The following NUDT7 variants were observed in gnomAD, a reference collection of about 807,000 sequenced individuals.
NUDT7 encodes peroxisomal coenzyme A diphosphatase NUDT7.
Under a neutral mutation model 13.1 loss-of-function variants are expected in NUDT7, and 19 were observed. The ratio of observed to expected loss-of-function variants is 1.45; its 90% confidence interval spans 1.01 to 2.13. The LOEUF (loss-of-function observed/expected upper bound fraction) is 2.13, where lower values mean the gene tolerates loss of function less well. Among genes scored for constraint, NUDT7 ranks in the 30% most tolerant of loss-of-function variants. The pLI is 0.00. For missense variants in NUDT7, 360 were observed against 291.7 expected, an observed-to-expected ratio of 1.23 and a Z score of -1.71; for synonymous variants, 132 against 109.7, an observed-to-expected ratio of 1.20 and a Z score of -1.27.
Position 77,741,321 on chromosome 16 carries a change from C to T in NUDT7, c.349-261C>T, listed in dbSNP as rs770384190. ...AAGCGAACACATTTTTATGATACTG[C>T]CAAATTGCCATTCCAAAAGATTGTA... On this transcript the variant is annotated intron_variant, in intron 3 of 3. Coordinates refer to ENST00000268533, the MANE Select transcript of NUDT7 (RefSeq NM_001105663.3). 19 of 353,464 alleles carry T rather than the reference C, an allele frequency of 5.4e-5. No homozygotes were observed. In the South Asian group the frequency reaches 1.1e-3, roughly 20 times the overall value. The allele number at this position is 353,464 out of a possible 1,614,324, so 21.9% of individuals were successfully genotyped here. A position where few individuals can be genotyped will look rare whatever the true frequency, so the allele number is the denominator to read the frequency against.
chr16:77,735,808 G>T lies in NUDT7; in HGVS notation c.190-20G>T. On this transcript the variant is annotated intron_variant, in intron 2 of 3. Coordinates refer to ENST00000268533, the MANE Select transcript of NUDT7 (RefSeq NM_001105663.3). ...CAAAATTAGAATCCCACATTGTAGCGCTGTTCTTTCTATATCCAGCTAAGA... is the reference window on the plus strand; with the variant it reads ...CAAAATTAGAATCCCACATTGTAGCTCTGTTCTTTCTATATCCAGCTAAGA... The T allele has an allele frequency of 6.2e-7, 1 of 1,607,430 alleles. No individual in the cohort carries two copies. Among genetic ancestry groups the T allele is most frequent in the East Asian group, 2.2e-5 (1 of 44,700 alleles).
At chr16:77,733,614 G>C (rs1567430095) in intron 2 of NUDT7, among the ~76,000 whole-genome samples, 1 of 152,210 alleles carries the variant, frequency 6.6e-6, no homozygotes, top group African/African-American at 2.4e-5. Context: ...ATGATCTCTT[G>C]ATTGAGCTTC....
intron 3 of NUDT7, among the ~76,000 whole-genome samples, chr16:77,737,003 A>AACCATAGGAAACTAG (rs1013007363): frequency 1.2e-4 from 19 of 152,222 alleles, no homozygotes; most frequent in Middle Eastern, 6.8e-3. Context: ...ACCACATGGA[A>AACCATAGGAAACTAG]ACCATAGGAA....
intron 2 of NUDT7, among the ~76,000 whole-genome samples, chr16:77,733,266 C>T (rs1447741523): frequency 6.6e-6 from 1 of 152,186 alleles, no homozygotes; most frequent in Non-Finnish European, 1.5e-5. Flanking sequence ...CTAATTCTCA[C>T]AGTTCTGGAG....
intron 1 of NUDT7, among the ~76,000 whole-genome samples, chr16:77,723,276 T>A (rs898309376): frequency 2.6e-5 from 4 of 152,222 alleles, no homozygotes; most frequent in Non-Finnish European, 5.9e-5. Flanking sequence ...CTGGCCTGCG[T>A]GCATCCAGAT....
At chr16:77,726,762 G>A (rs145392433) in intron 2 of NUDT7, among the ~76,000 whole-genome samples, 61 of 152,046 alleles carry the variant, frequency 4.0e-4, no homozygotes, top group African/African-American at 1.3e-3. Context: ...GTGCCACTGC[G>A]CTCCAGCCTG....
At chr16:77,734,671 A>T (rs1224062138) in intron 2 of NUDT7, among the ~76,000 whole-genome samples, 1 of 152,210 alleles carries the variant, frequency 6.6e-6, no homozygotes, top group Admixed American at 6.5e-5. Flanking sequence ...GCATGAGTGG[A>T]TAAACAAACT....
chr16:77,732,322 G>A (rs1474667220), intron 2 of NUDT7, among the ~76,000 whole-genome samples: 1 of 136,474 alleles, frequency 7.3e-6, no homozygotes, highest in African/African-American at 2.8e-5. Context: ...ACGAGAACAC[G>A]TCTCAAAAAA....
chr16:77,724,888 A>G (rs1202109113), intron 1 of NUDT7, among the ~76,000 whole-genome samples: 2 of 152,226 alleles, frequency 1.3e-5, no homozygotes, highest in East Asian at 3.9e-4. Flanking sequence ...GGAGTTTGAT[A>G]CAAATGCTAA....
chr16:77,741,095 T>G (rs1334125806), intron 3 of NUDT7, among the ~76,000 whole-genome samples: 1 of 152,172 alleles, frequency 6.6e-6, no homozygotes, highest in Non-Finnish European at 1.5e-5. Flanking sequence ...AAGATGTCTA[T>G]CCCATTGTTT....
Position 77,742,020 on chromosome 16 carries a change from A to G in NUDT7, c.*70A>G, listed in dbSNP as rs1133108. 0.51 allele frequency: 767,387 copies of G among 1,495,492 alleles called. 203,841 individuals are homozygous for G. Among genetic ancestry groups the G allele is most frequent in the Non-Finnish European group, 0.55 (625,638 of 1,130,838 alleles). The allele number at this position is 1,495,492 out of a possible 1,614,324, so 92.6% of individuals were successfully genotyped here. A position where few individuals can be genotyped will look rare whatever the true frequency, so the allele number is the denominator to read the frequency against. On this transcript the variant is annotated 3_prime_UTR_variant, in exon 4 of 4. Coordinates refer to ENST00000268533, the MANE Select transcript of NUDT7 (RefSeq NM_001105663.3). Reference sequence around the variant, plus strand: ...TGTGCTTATTCGTAGAACAACAACAATGCCAGCTGTTGGAATTTGACAGGT... The same window carrying G: ...TGTGCTTATTCGTAGAACAACAACAGTGCCAGCTGTTGGAATTTGACAGGT...
chr16:77,731,872 A>T (rs1485404508), intron 2 of NUDT7, among the ~76,000 whole-genome samples: 1 of 152,178 alleles, frequency 6.6e-6, no homozygotes, highest in Non-Finnish European at 1.5e-5. Context: ...TTAAAAATAG[A>T]AAAAAGCTTC....
intron 2 of NUDT7, among the ~76,000 whole-genome samples, chr16:77,730,984 C>G (rs1483044476): frequency 6.6e-6 from 1 of 151,912 alleles, no homozygotes; most frequent in East Asian, 1.9e-4. Flanking sequence ...ATACTAGCCC[C>G]TTTTCAGATG....
intron 3 of NUDT7, among the ~76,000 whole-genome samples, chr16:77,740,374 T>G (rs1363527508): frequency 6.6e-6 from 1 of 152,136 alleles, no homozygotes; most frequent in Non-Finnish European, 1.5e-5. Context: ...CACTTCCTCT[T>G]GGGATGCTCC....
At chr16:77,736,644 T>TA in intron 3 of NUDT7, 1 of 248,652 alleles carries the variant, frequency 4.0e-6, no homozygotes, top group Non-Finnish European at 8.5e-6. Context: ...ATTTTTTTTT[T>TA]TATAGAGATG....
chr16:77,729,601 G>T (rs190223985), intron 2 of NUDT7, among the ~76,000 whole-genome samples: 2 of 152,218 alleles, frequency 1.3e-5, no homozygotes, highest in East Asian at 3.9e-4. Flanking sequence ...CAAGGTGTGG[G>T]GATCACCTGA....
chr16:77,735,312 C>T (rs990315096), intron 2 of NUDT7: 9 of 436,692 alleles, frequency 2.1e-5, no homozygotes, highest in Admixed American at 7.5e-5. Context: ...ACTGTCATCA[C>T]AATAGTGAGT....
chr16:77,722,773 G>C (rs1052514383), intron 1 of NUDT7, among the ~76,000 whole-genome samples, 156 bp downstream of exon 1: 2 of 152,186 alleles, frequency 1.3e-5, no homozygotes, highest in African/African-American at 4.8e-5. Flanking sequence ...CCAGCAACCC[G>C]CAGGGTCCCC....
chr16:77,725,726 C>T (rs1321578633), intron 2 of NUDT7, 142 bp downstream of exon 2: 1 of 644,592 alleles, frequency 1.6e-6, no homozygotes, highest in Non-Finnish European at 2.6e-6. Flanking sequence ...CAACCACAAG[C>T]CACAGGATAA....
Sources: allele counts gnomAD v4.1 joint callset (sites outside exome capture counted in the v4.1 genomes callset), GRCh38; gene constraint gnomAD v4.1.1; transcripts MANE v1.5; gene names NCBI Gene and HGNC (gene_info 2026-07-23, HGNC 2026-07-21).